The following FAM135B variants were observed in gnomAD, a reference collection of about 807,000 sequenced individuals.
FAM135B encodes protein FAM135B.
A neutral mutation model predicts 127.7 loss-of-function variants in FAM135B; 43 were observed. The observed-to-expected ratio is 0.34, with a 90% CI of 0.26 to 0.43. The LOEUF is 0.43. Ranked by LOEUF, FAM135B falls within the 20% of genes least tolerant of loss-of-function variation. The pLI, the probability that FAM135B is intolerant of heterozygous loss-of-function variation, is 1.00. For synonymous variants in FAM135B, 670 were observed against 665.1 expected, an observed-to-expected ratio of 1.01 and a Z score of -0.11; for missense variants, 1,558 against 1,725.6, an observed-to-expected ratio of 0.90 and a Z score of 1.72.
chr8:138,178,449 C>T, intron 10 of FAM135B, 86 bp downstream of exon 10: 2 of 1,509,794 alleles, frequency 1.3e-6, no homozygotes, highest in Non-Finnish European at 1.8e-6. Context: ...GAGGCCAATC[C>T]TAATGCTTGA....
At chr8:138,450,974 A>C (rs1037839062) in intron 1 of FAM135B, among the ~76,000 whole-genome samples, 3 of 152,244 alleles carry the variant, frequency 2.0e-5, no homozygotes, top group African/African-American at 7.2e-5. Flanking sequence ...CATAAAGTTT[A>C]AGTAATTTGA....
chr8:138,432,303 T>C (rs1835233682), intron 1 of FAM135B, among the ~76,000 whole-genome samples: 1 of 151,994 alleles, frequency 6.6e-6, no homozygotes, highest in Non-Finnish European at 1.5e-5. Context: ...GAACAGGCCT[T>C]AGGTTCTGTG....
chr8:138,148,781 C>T, intron 13 of FAM135B, 95 bp from the exon 14 acceptor site: 2 of 876,524 alleles, frequency 2.3e-6, no homozygotes, highest in Middle Eastern at 3.4e-4. Flanking sequence ...TGAGCACCCA[C>T]AAGCAAAGTG....
chr8:138,357,611 A>G (rs1000429152), intron 2 of FAM135B, among the ~76,000 whole-genome samples: 2 of 152,160 alleles, frequency 1.3e-5, no homozygotes, highest in Non-Finnish European at 2.9e-5. Flanking sequence ...TTTAAAATGA[A>G]GATATCTAAA....
intron 2 of FAM135B, among the ~76,000 whole-genome samples, chr8:138,330,982 A>G (rs1423289112): frequency 6.6e-6 from 1 of 151,826 alleles, no homozygotes; most frequent in African/African-American, 2.4e-5. Flanking sequence ...AGCTGGGATT[A>G]CAGGCATGCA....
chr8:138,257,904 A>G (rs1822227498), intron 4 of FAM135B, among the ~76,000 whole-genome samples: 1 of 88,636 alleles, frequency 1.1e-5, no homozygotes. Context: ...AAATAAAACA[A>G]AACAAAACAA....
chr8:138,214,504 G>A (rs907572252), intron 7 of FAM135B, among the ~76,000 whole-genome samples: 7 of 152,182 alleles, frequency 4.6e-5, no homozygotes, highest in African/African-American at 1.7e-4. Flanking sequence ...ACAGACTAAT[G>A]ATTTTAGGAG....
chr8:138,268,407 C>G (rs200971229), intron 3 of FAM135B, among the ~76,000 whole-genome samples: 3 of 152,168 alleles, frequency 2.0e-5, no homozygotes, highest in Non-Finnish European at 4.4e-5. Flanking sequence ...GTCACCAAAT[C>G]CCGAGGTGAC....
intron 1 of FAM135B, among the ~76,000 whole-genome samples, chr8:138,413,827 C>G (rs545696308): frequency 1.3e-5 from 2 of 152,086 alleles, no homozygotes; most frequent in East Asian, 1.9e-4. Context: ...TGGCCCTCCT[C>G]CTCTAGCACT....
intron 2 of FAM135B, among the ~76,000 whole-genome samples, chr8:138,356,616 T>C (rs764209446): frequency 7.9e-5 from 12 of 152,184 alleles, no homozygotes; most frequent in Non-Finnish European, 1.6e-4. Flanking sequence ...CACCAAATTT[T>C]ACTTGGTCTG....
chr8:138,419,673 TTAAAAA>T (rs2131446511), intron 1 of FAM135B, among the ~76,000 whole-genome samples: 1 of 152,218 alleles, frequency 6.6e-6, no homozygotes, highest in East Asian at 1.9e-4. Flanking sequence ...CACAGCACAA[TTAAAAA>T]TAATAATATC....
chr8:138,217,774 T>C (rs992567367), intron 7 of FAM135B, among the ~76,000 whole-genome samples: 10 of 152,178 alleles, frequency 6.6e-5, no homozygotes, highest in Non-Finnish European at 1.0e-4. Flanking sequence ...TTTCCTCCTA[T>C]GCGTGAGGCG....
chr8:138,390,291 G>T (rs970131884), intron 1 of FAM135B, among the ~76,000 whole-genome samples: 1 of 152,110 alleles, frequency 6.6e-6, no homozygotes. Context: ...TGAATCATAG[G>T]GGCGGTTTCC....
chr8:138,288,434 G>A (rs1201167193), intron 3 of FAM135B, among the ~76,000 whole-genome samples: 2 of 152,162 alleles, frequency 1.3e-5, no homozygotes, highest in Non-Finnish European at 2.9e-5. Context: ...AGGTTTCAGA[G>A]CTAGGGAAGC....
intron 1 of FAM135B, among the ~76,000 whole-genome samples, chr8:138,427,958 C>T (rs901431864): frequency 2.6e-5 from 4 of 152,082 alleles, no homozygotes; most frequent in Non-Finnish European, 5.9e-5. Context: ...CTGTGCAAAG[C>T]GTACCTATTT....
chr8:138,463,730 T>C lies in FAM135B; in HGVS notation c.-20+32941A>G, dbSNP rs146677640. ...GGGAGTTAGAAAAGAGAAGCAGTAG[T>C]AAGATGTAATCTAAGATGCTGCAGA... On this transcript the variant is annotated intron_variant, in intron 1 of 19. Transcript: ENST00000395297. 4.5e-3 allele frequency among the ~76,000 whole-genome samples: 686 copies of C among 152,220 alleles called. 5 individuals are homozygous for C. Among genetic ancestry groups the C allele is most frequent in the African/African-American group, 0.015 (640 of 41,542 alleles).
chr8:138,404,062 T>C (rs1008642420), intron 1 of FAM135B, among the ~76,000 whole-genome samples: 13 of 152,110 alleles, frequency 8.5e-5, no homozygotes, highest in Admixed American at 8.5e-4. Context: ...AGTGATTTTC[T>C]TATATTCAAT....
chr8:138,175,204 A>C (rs2130950003), intron 11 of FAM135B, among the ~76,000 whole-genome samples: 1 of 152,268 alleles, frequency 6.6e-6, no homozygotes, highest in South Asian at 2.1e-4. Context: ...ACAGTACACA[A>C]TCCAAAGTCT....
intron 7 of FAM135B, among the ~76,000 whole-genome samples, chr8:138,233,346 A>G (rs1820039843): frequency 6.6e-6 from 1 of 152,204 alleles, no homozygotes; most frequent in Non-Finnish European, 1.5e-5. Flanking sequence ...ACATAATAAT[A>G]GAAAACTAAG....
Sources: gnomAD v4.1 joint callset for allele counts (sites outside exome capture counted in the v4.1 genomes callset) on GRCh38, gnomAD v4.1.1 for gene constraint, MANE v1.5 for transcripts, NCBI Gene and HGNC (gene_info 2026-07-23, HGNC 2026-07-21) for gene names.